KRT72: variants seen among roughly 807,000 people sequenced by gnomAD.
KRT72 encodes the protein keratin, type II cytoskeletal 72.
In KRT72, 44 loss-of-function variants were observed where a neutral mutation model predicts 44.7. The ratio of observed to expected loss-of-function variants is 0.98; its 90% CI spans 0.77 to 1.27. The LOEUF is 1.27. KRT72 is among the 50% of genes most tolerant of loss of function. The pLI is 0.00. For synonymous variants in KRT72, 302 were observed against 280.4 expected, an observed-to-expected ratio of 1.08 and a Z score of -0.77; for missense variants, 736 against 667.1, an observed-to-expected ratio of 1.10 and a Z score of -1.14.
Position 52,601,226 on chromosome 12 carries a change from C to T in KRT72, c.227G>A (p.Gly76Asp). The change falls in exon 1 of 9, where the codon GGC becomes GAC. Residue 76 changes from glycine (G) to aspartate (D), a missense_variant. Gly to Asp is a moderately conservative substitution (Grantham distance 94). Coordinates refer to ENST00000293745, the MANE Select transcript of KRT72 (RefSeq NM_080747.3). ...CAGCCCGGCGCTGCCGAAGGCGGTG[C>T]CCACGAAGCCGCCCAGGCGGCCGCC... The part of the protein sequence containing the change: ...RGGGRLGGFV[G>D]TAFGSAGLGP... 1 of 1,600,258 alleles carries T rather than the reference C, an allele frequency of 6.2e-7. No homozygotes were observed. The highest frequency in any genetic ancestry group is 8.5e-7 in the Non-Finnish European group (1 of 1,173,550).
chr12:52,601,589 G>A, upstream of KRT72: 1 of 821,746 alleles, frequency 1.2e-6, no homozygotes, highest in Non-Finnish European at 1.9e-6. Context: ...ACACCTTTTA[G>A]ATCCCTTGAG....
chr12:52,588,054 G>C (rs894753307), intron 6 of KRT72, among the ~76,000 whole-genome samples: 13 of 152,208 alleles, frequency 8.5e-5, no homozygotes, highest in African/African-American at 3.1e-4. Context: ...CTCTGCATCT[G>C]AAAGTAGAAA....
chr12:52,598,976 T>A lies in KRT72; in HGVS notation c.563A>T (p.Glu188Val). Reference sequence around the variant, plus strand: ...CCTCACCCCGTCCCCAGACAGCATCTCCAGCTGCTTCTGCAGGTTGCTGAT... The same window carrying A: ...CCTCACCCCGTCCCCAGACAGCATCACCAGCTGCTTCTGCAGGTTGCTGAT... ...GYISNLQKQLEMLSGDGVRLD... is the reference protein window; with the variant it reads ...GYISNLQKQLVMLSGDGVRLD... Residue 188 changes from glutamate to valine, a missense_variant, in exon 2 of 9, where the codon GAG becomes GTG. Coordinates refer to ENST00000293745, the MANE Select transcript of KRT72 (RefSeq NM_080747.3). The A allele has an allele frequency of 6.2e-7, 1 of 1,614,168 alleles. No individual in the cohort carries two copies. The highest frequency in any genetic ancestry group is 8.5e-7 in the Non-Finnish European group (1 of 1,180,042).
chr12:52,590,707 A>T, intron 6 of KRT72, 129 bp downstream of exon 6: 1 of 881,898 alleles, frequency 1.1e-6, no homozygotes, highest in Non-Finnish European at 1.7e-6. Flanking sequence ...ATCTGTTCAG[A>T]TCATCCTCTC....
In KRT72 at chr12:52,589,250, G is replaced by A. The variant is rs369144804; in HGVS notation, c.1090-1399C>T. ...CTGATCCAAGGCCAAATGGGCTCTAGAATATTGTCCAGCTGCCACCATCCT... is the reference window on the plus strand; with the variant it reads ...CTGATCCAAGGCCAAATGGGCTCTAAAATATTGTCCAGCTGCCACCATCCT... On this transcript the variant is annotated intron_variant, in intron 6 of 8. Transcript: ENST00000293745. Among the ~76,000 whole-genome samples, 10 of 152,268 alleles carry A rather than the reference G, an allele frequency of 6.6e-5. No homozygotes were observed. In the East Asian group the frequency reaches 1.9e-3, roughly 29 times the overall value.
intron 5 of KRT72, 83 bp downstream of exon 5, chr12:52,591,381 C>A (rs60159645): frequency 5.9e-5 from 69 of 1,174,582 alleles, no homozygotes; most frequent in Non-Finnish European, 7.6e-5. Context: ...CACAAACACA[C>A]GCACACACAC....
At chr12:52,590,217 T>C (rs1158883833) in intron 6 of KRT72, among the ~76,000 whole-genome samples, 1 of 152,184 alleles carries the variant, frequency 6.6e-6, no homozygotes, top group African/African-American at 2.4e-5. Flanking sequence ...GGGACCTCGG[T>C]GCAGTGTCCT....
At position 52,586,944 on chromosome 12, in the gene KRT72, A is replaced by T. The variant is rs773596476; in HGVS notation, c.1345+2T>A. 13 of 1,613,178 alleles carry T rather than the reference A, an allele frequency of 8.1e-6. No homozygotes were observed. Among genetic ancestry groups the T allele is most frequent in the Middle Eastern group, 1.7e-4 (1 of 6,058 alleles). Reference sequence around the variant, plus strand: ...GCAGAACTGAGATCTGCAGATACTTACAGATGCTCACAGAATTTGGATATT... The same window carrying T: ...GCAGAACTGAGATCTGCAGATACTTTCAGATGCTCACAGAATTTGGATATT... On this transcript the variant is annotated splice_donor_variant, in intron 8 of 8. Transcript: ENST00000293745. LOFTEE classifies it high-confidence loss of function.
chr12:52,590,848 A>G lies in KRT72; in HGVS notation c.1077T>C (p.Asn359=). The stretch of plus-strand genomic sequence containing the variant: ...TCATAGAACCCACCTGCTTCTTCAC[A>G]TTCCCTATCTCTGAGCGGATCCTCT... ...LIQRIRSEIG[N]VKKQCADLET... The change falls in exon 6 of 9, where the codon AAT becomes AAC. Residue 359 remains asparagine (N), a synonymous_variant. Transcript: ENST00000293745. 6.3e-7 allele frequency: 1 copy of G among 1,576,406 alleles called. No individual in the cohort carries two copies. Among genetic ancestry groups the G allele is most frequent in the Non-Finnish European group, 8.7e-7 (1 of 1,153,820 alleles).
chr12:52,594,200 G>A (rs913757356), intron 2 of KRT72, among the ~76,000 whole-genome samples: 1 of 152,106 alleles, frequency 6.6e-6, no homozygotes, highest in African/African-American at 2.4e-5. Context: ...GTTGAGTGTG[G>A]CAATTCCTCA....
intron 2 of KRT72, among the ~76,000 whole-genome samples, chr12:52,597,265 T>C (rs1940256560): frequency 6.6e-6 from 1 of 152,234 alleles, no homozygotes; most frequent in Admixed American, 6.5e-5. Flanking sequence ...TGAGAAAAGC[T>C]TCAGCGTATA....
chr12:52,595,543 A>G (rs1234693660), intron 2 of KRT72, among the ~76,000 whole-genome samples: 2 of 152,220 alleles, frequency 1.3e-5, no homozygotes, highest in African/African-American at 4.8e-5. Flanking sequence ...TGATTTGAAT[A>G]TGAAAATTGG....
chr12:52,595,296 T>C (rs1051187809), intron 2 of KRT72, among the ~76,000 whole-genome samples: 5 of 152,122 alleles, frequency 3.3e-5, no homozygotes, highest in Non-Finnish European at 5.9e-5. Context: ...AATTAAAAGT[T>C]AAATCATTAA....
In KRT72 at chr12:52,587,825, G is replaced by A. The variant is rs747394885; in HGVS notation, c.1116C>T (p.Ala372=). Reference sequence around the variant, plus strand: ...CGCAGTCCCCCCGCTGTTCAGCGTCGGCGATGGCCGTCTCCAGATCGGCAC... The same window carrying A: ...CGCAGTCCCCCCGCTGTTCAGCGTCAGCGATGGCCGTCTCCAGATCGGCAC... ...KQCADLETAI[A]DAEQRGDCAL... Residue 372 remains alanine (A), a synonymous_variant, in exon 7 of 9, where the codon GCC becomes GCT. Transcript: ENST00000293745. The A allele has an allele frequency of 4.3e-6, 7 of 1,613,988 alleles. No homozygotes were observed. The Admixed American group carries it at 5.0e-5, about 12-fold the overall frequency.
rs1940431754 is a variant in KRT72, at chr12:52,601,168, C to T, written c.285G>A (p.Gly95=). The T allele has an allele frequency of 2.5e-6, 4 of 1,613,448 alleles. No homozygotes were observed. The East Asian group carries it at 6.7e-5, about 27-fold the overall frequency. ...TGTTGACGGTGACCTGAGGGATGCC[C>T]CCGGGTGGGCACACGGAGGGACACT... is the stretch of plus-strand genomic sequence containing the variant. ...GPKCPSVCPP[G]GIPQVTVNKS... The change falls in exon 1 of 9, where the codon GGG becomes GGA. Residue 95 remains glycine (G), a synonymous_variant. Coordinates refer to ENST00000293745, the MANE Select transcript of KRT72 (RefSeq NM_080747.3).
At position 52,601,366 on chromosome 12, in the gene KRT72, G is replaced by A. The variant is rs1485380864; in HGVS notation, c.87C>T (p.Ser29=). The A allele has an allele frequency of 3.9e-6, 6 of 1,543,332 alleles. No homozygotes were observed. Among genetic ancestry groups the A allele is most frequent in the Non-Finnish European group, 2.6e-6 (3 of 1,146,858 alleles). The change falls in exon 1 of 9, where the codon AGC becomes AGT. Residue 29 remains serine (S), a synonymous_variant. Coordinates refer to ENST00000293745, the MANE Select transcript of KRT72 (RefSeq NM_080747.3). The part of the protein sequence containing the change: ...CSAVLSGGIG[S]SSASFRARVK... Reference sequence around the variant, plus strand: ...CCCGGGCCCGGAATGAGGCGGAGCTGCTGCCGATCCCGCCAGAGAGGACCG... The same window carrying A: ...CCCGGGCCCGGAATGAGGCGGAGCTACTGCCGATCCCGCCAGAGAGGACCG...
At position 52,599,188 on chromosome 12, in the gene KRT72, C is replaced by A. The variant is rs1356306637; in HGVS notation, c.427-76G>T. 4.3e-6 allele frequency: 6 copies of A among 1,393,514 alleles called. No individual in the cohort carries two copies. The African/African-American group carries it at 5.7e-5, about 13-fold the overall frequency. 86.3% of individuals were successfully genotyped at this position (1,393,514 alleles called of 1,614,324 possible). On this transcript the variant is annotated intron_variant, in intron 1 of 8. Coordinates refer to ENST00000293745, the MANE Select transcript of KRT72 (RefSeq NM_080747.3). ...AAGAGTGGGGAAAGGGCCCCAAAAA[C>A]CAGAGGCAGCCATCCTGGGGGACTG...
rs745658549 is a variant in KRT72, at chr12:52,601,046, A to T, written c.407T>A (p.Phe136Tyr). 1 of 1,611,698 alleles carries T rather than the reference A, an allele frequency of 6.2e-7. No homozygotes were observed. Among genetic ancestry groups the T allele is most frequent in the Non-Finnish European group, 8.5e-7 (1 of 1,179,274 alleles). ...REQIKALNNK[F>Y]ASFIDKVRFL... ...ACTCACCTTGTCGATGAAGGAGGCG[A>T]ACTTGTTGTTTAGCGCCTTGATCTG... Residue 136 changes from phenylalanine to tyrosine, a missense_variant, in exon 1 of 9, where the codon TTC becomes TAC. Coordinates refer to ENST00000293745, the MANE Select transcript of KRT72 (RefSeq NM_080747.3).
intron 2 of KRT72, among the ~76,000 whole-genome samples, chr12:52,598,540 CT>C (rs1051521787): frequency 2.6e-5 from 4 of 151,940 alleles, no homozygotes; most frequent in African/African-American, 4.8e-5. Context: ...TTTTTAAATT[CT>C]TTTTTTTAGA....
Sources: gnomAD v4.1 joint callset for allele counts (sites outside exome capture counted in the v4.1 genomes callset) on GRCh38, gnomAD v4.1.1 for gene constraint, MANE v1.5 for transcripts, NCBI Gene and HGNC (gene_info 2026-07-23, HGNC 2026-07-21) for gene names.